The following USP32 variants were observed in gnomAD, a reference collection of about 807,000 sequenced individuals.
USP32 encodes ubiquitin carboxyl-terminal hydrolase 32.
In USP32, 59 loss-of-function variants were observed where a neutral mutation model predicts 204.8. The observed-to-expected ratio is 0.29, with a 90% confidence interval of 0.23 to 0.36. USP32 has a LOEUF of 0.36. USP32 is among the 10% of genes least tolerant of loss of function. USP32 has a pLI of 1.00. For missense variants in USP32, 1,160 were observed against 1,946.4 expected, an observed-to-expected ratio of 0.60 and a Z score of 7.60; for synonymous variants, 517 against 678.4, an observed-to-expected ratio of 0.76 and a Z score of 3.70.
chr17:60,364,231 G>A (rs2089269783), intron 1 of USP32, among the ~76,000 whole-genome samples: 1 of 152,110 alleles, frequency 6.6e-6, no homozygotes, highest in Non-Finnish European at 1.5e-5. Flanking sequence ...TGAGGGCAGA[G>A]CCCTCATGAA....
intron 1 of USP32, among the ~76,000 whole-genome samples, chr17:60,357,825 A>T (rs1008470011): frequency 1.3e-5 from 2 of 151,912 alleles, no homozygotes; most frequent in African/African-American, 4.8e-5. Flanking sequence ...CTGGAGTGCA[A>T]TGGCGCAATC....
chr17:60,222,640 A>T (rs2145570673), intron 14 of USP32, 91 bp from the exon 15 acceptor site: 3 of 1,184,424 alleles, frequency 2.5e-6, no homozygotes, highest in South Asian at 1.6e-5. Context: ...ACAAACTCAT[A>T]TATCACCACC....
chr17:60,387,550 T>C (rs2089751913), intron 1 of USP32, among the ~76,000 whole-genome samples: 1 of 152,220 alleles, frequency 6.6e-6, no homozygotes, highest in Non-Finnish European at 1.5e-5. Flanking sequence ...GATATGCATA[T>C]ATACTACTTT....
At chr17:60,295,636 G>A (rs8077222) in intron 3 of USP32, among the ~76,000 whole-genome samples, 248 of 152,302 alleles carry the variant, frequency 1.6e-3, no homozygotes, top group African/African-American at 5.7e-3. Flanking sequence ...TAGTCACTTA[G>A]TGGCCATTTT....
intron 2 of USP32, among the ~76,000 whole-genome samples, chr17:60,334,242 T>C (rs2088460145): frequency 6.6e-6 from 1 of 152,192 alleles, no homozygotes. Context: ...TCTGTTTGCA[T>C]TTTTCTGGAC....
intron 2 of USP32, among the ~76,000 whole-genome samples, chr17:60,319,498 C>G (rs1036591454): frequency 6.6e-6 from 1 of 152,224 alleles, no homozygotes; most frequent in African/African-American, 2.4e-5. Context: ...CTTCTGCGAG[C>G]TAGGCACAGT....
At chr17:60,286,361 TG>T (rs920059474) in intron 5 of USP32, among the ~76,000 whole-genome samples, 2 of 152,118 alleles carry the variant, frequency 1.3e-5, no homozygotes, top group Non-Finnish European at 2.9e-5. Flanking sequence ...GGATTTAGCC[TG>T]GGCCCTGAAT....
intron 12 of USP32, among the ~76,000 whole-genome samples, chr17:60,234,443 T>C (rs1278722712): frequency 2.0e-5 from 3 of 150,326 alleles, no homozygotes; most frequent in Non-Finnish European, 4.4e-5. Context: ...AAAAATTTTT[T>C]TGGACCGGGC....
intron 2 of USP32, among the ~76,000 whole-genome samples, chr17:60,333,090 C>T (rs1476797370): frequency 6.6e-6 from 1 of 152,138 alleles, no homozygotes; most frequent in Non-Finnish European, 1.5e-5. Context: ...AAATTAAAGA[C>T]TTCAATTACA....
intron 9 of USP32, among the ~76,000 whole-genome samples, chr17:60,264,915 A>G (rs925008311): frequency 9.9e-5 from 15 of 151,410 alleles, no homozygotes; most frequent in Admixed American, 2.6e-4. Flanking sequence ...CCAGATTAAG[A>G]GGAAAAAAAC....
At chr17:60,403,076 A>T (rs1167028845) in intron 1 of USP32, among the ~76,000 whole-genome samples, 2 of 151,638 alleles carry the variant, frequency 1.3e-5, no homozygotes, top group Non-Finnish European at 2.9e-5. Context: ...CAGTGTCACG[A>T]TCTCGGCTCA....
At chr17:60,232,369 C>A (rs554370303) in intron 12 of USP32, among the ~76,000 whole-genome samples, 1 of 150,752 alleles carries the variant, frequency 6.6e-6, no homozygotes, top group Non-Finnish European at 1.5e-5. Context: ...GTCGGGGTTT[C>A]ACCATGTTGG....
chr17:60,355,830 CAAAAA>C (rs1194639113), intron 1 of USP32, among the ~76,000 whole-genome samples: 2 of 22,666 alleles, frequency 8.8e-5, no homozygotes, highest in Non-Finnish European at 1.2e-4. Flanking sequence ...CTCACTCTCT[CAAAAA>C]AAAAAAAAAA....
At chr17:60,226,832 A>G (rs2085404756) in intron 12 of USP32, among the ~76,000 whole-genome samples, 1 of 149,992 alleles carries the variant, frequency 6.7e-6, no homozygotes. Context: ...ACCGAGGCAG[A>G]TGGATCACTT....
At chr17:60,222,646 C>T in intron 14 of USP32, 97 bp from the exon 15 acceptor site, 1 of 1,151,862 alleles carries the variant, frequency 8.7e-7, no homozygotes, top group Non-Finnish European at 1.2e-6. Flanking sequence ...TCATATATCA[C>T]CACCCAGTTT....
chr17:60,416,874 C>T (rs982476461), intron 1 of USP32, among the ~76,000 whole-genome samples: 2 of 151,958 alleles, frequency 1.3e-5, no homozygotes, highest in African/African-American at 4.8e-5. Flanking sequence ...CATGCACACA[C>T]ACACATATAT....
At chr17:60,272,721 G>A (rs1156910534) in intron 5 of USP32, among the ~76,000 whole-genome samples, 2 of 152,184 alleles carry the variant, frequency 1.3e-5, no homozygotes, top group African/African-American at 4.8e-5. Context: ...TTTCCCCACA[G>A]TCACTTTCCA....
At chr17:60,212,765 T>TTC (rs1390429877) in intron 18 of USP32, among the ~76,000 whole-genome samples, 2 of 152,026 alleles carry the variant, frequency 1.3e-5, no homozygotes, top group African/African-American at 4.8e-5. Context: ...ATTCCTTTTT[T>TTC]TTTTTTTGAG....
At chr17:60,312,024 G>T (rs899443543) in intron 2 of USP32, among the ~76,000 whole-genome samples, 1 of 152,166 alleles carries the variant, frequency 6.6e-6, no homozygotes, top group Non-Finnish European at 1.5e-5. Context: ...AGTCAGAAAG[G>T]CCTGACATTG....
Sources: allele counts gnomAD v4.1 joint callset (sites outside exome capture counted in the v4.1 genomes callset), GRCh38; gene constraint gnomAD v4.1.1; transcripts MANE v1.5; gene names NCBI Gene and HGNC (gene_info 2026-07-23, HGNC 2026-07-21).